Variants in FCHSD2 observed in about 807,000 individuals in gnomAD.
The protein encoded by FCHSD2 is F-BAR and double SH3 domains protein 2.
Under a neutral mutation model 108.1 loss-of-function variants are expected in FCHSD2, and 38 were observed. The observed-to-expected ratio is 0.35, with a 90% confidence interval of 0.27 to 0.46. The LOEUF is 0.46. FCHSD2 is among the 20% of genes least tolerant of loss of function. The pLI is 1.00. For synonymous variants in FCHSD2, 279 were observed against 314.7 expected (o/e 0.89, Z 1.20); for missense variants, 751 against 897.8 (o/e 0.84, Z 2.09).
chr11:72,860,718 G>A (rs576559024), intron 13 of FCHSD2, among the ~76,000 whole-genome samples: 1 of 152,080 alleles, frequency 6.6e-6, no homozygotes, highest in Admixed American at 6.6e-5. Flanking sequence ...GGTGGTGCTG[G>A]GAGGCTGAGG....
intron 8 of FCHSD2, among the ~76,000 whole-genome samples, chr11:72,955,592 C>T (rs959065269): frequency 5.9e-5 from 9 of 152,134 alleles, no homozygotes; most frequent in Non-Finnish European, 1.2e-4. Flanking sequence ...CAACCAGCCC[C>T]CATCCTGACG....
chr11:73,004,825 A>G (rs779551422), intron 4 of FCHSD2, among the ~76,000 whole-genome samples: 85 of 152,128 alleles, frequency 5.6e-4, no homozygotes, highest in Non-Finnish European at 1.0e-3. Context: ...TCCTTAATCC[A>G]TTCTTCACCC....
intron 2 of FCHSD2, among the ~76,000 whole-genome samples, chr11:73,132,177 G>T (rs565427402): frequency 2.0e-5 from 3 of 152,304 alleles, no homozygotes; most frequent in Admixed American, 1.3e-4. Context: ...AGAAATGTAA[G>T]AATGTAAAAC....
intron 5 of FCHSD2, among the ~76,000 whole-genome samples, chr11:72,991,971 GT>G (rs1187163651): frequency 6.6e-6 from 1 of 152,154 alleles, no homozygotes; most frequent in African/African-American, 2.4e-5. Context: ...AAGTCAAATT[GT>G]CCCTGTTTGT....
chr11:73,118,515 A>T (rs962970907), intron 2 of FCHSD2, among the ~76,000 whole-genome samples: 1 of 152,186 alleles, frequency 6.6e-6, no homozygotes, highest in Non-Finnish European at 1.5e-5. Context: ...TACAGTATAT[A>T]TTCTTGTATC....
At chr11:73,007,861 T>C (rs556070649) in intron 4 of FCHSD2, among the ~76,000 whole-genome samples, 3 of 152,350 alleles carry the variant, frequency 2.0e-5, no homozygotes, top group Non-Finnish European at 2.9e-5. Flanking sequence ...TTATGCAAGA[T>C]ATTACCACTG....
At position 72,949,478 on chromosome 11, in the gene FCHSD2, G is replaced by A. The variant is rs913289876; in HGVS notation, c.706-27528C>T. Among the ~76,000 whole-genome samples the A allele has an allele frequency of 9.3e-5, 14 of 151,152 alleles. No individual in the cohort carries two copies. The East Asian group carries it at 9.7e-4, about 10-fold the overall frequency. ...AAGAAAGAAAGAAAAGAAAAGAAAG[G>A]AAAGAAAAAGAAAAGAAAAGAAAAG... On this transcript the variant is annotated intron_variant, in intron 8 of 19. Transcript: ENST00000409418.
At chr11:72,866,690 A>G (rs573793051) in intron 13 of FCHSD2, among the ~76,000 whole-genome samples, 3 of 152,222 alleles carry the variant, frequency 2.0e-5, no homozygotes, top group Non-Finnish European at 4.4e-5. Flanking sequence ...TAAAGCTTCA[A>G]TAGATTGTTT....
chr11:72,867,245 G>A (rs751659741), intron 13 of FCHSD2, among the ~76,000 whole-genome samples: 39 of 152,116 alleles, frequency 2.6e-4, no homozygotes, highest in African/African-American at 8.2e-4. Flanking sequence ...CAAATCAACC[G>A]AATTTTTCTG....
intron 13 of FCHSD2, among the ~76,000 whole-genome samples, chr11:72,853,979 CACTAAT>C (rs1281436046): frequency 6.6e-5 from 10 of 152,224 alleles, no homozygotes; most frequent in Admixed American, 5.9e-4. Flanking sequence ...TGCTCAACAT[CACTAAT>C]GATTAGGGAA....
intron 3 of FCHSD2, among the ~76,000 whole-genome samples, 193 bp downstream of exon 3, chr11:73,083,502 T>C (rs890352310): frequency 1.3e-5 from 2 of 151,342 alleles, no homozygotes; most frequent in African/African-American, 4.9e-5. Flanking sequence ...TGAGCCAAGA[T>C]TGCGCCACTG....
chr11:72,872,210 C>CT (rs752685861), intron 12 of FCHSD2, among the ~76,000 whole-genome samples: 1 of 150,642 alleles, frequency 6.6e-6, no homozygotes, highest in East Asian at 1.9e-4. Flanking sequence ...TTCATAATTT[C>CT]TTTTTTTGGT....
intron 2 of FCHSD2, among the ~76,000 whole-genome samples, chr11:73,117,079 C>T (rs974538766): frequency 6.6e-6 from 1 of 152,082 alleles, no homozygotes; most frequent in African/African-American, 2.4e-5. Context: ...ATTGATTATA[C>T]GTATTTTTGT....
intron 9 of FCHSD2, among the ~76,000 whole-genome samples, chr11:72,916,285 C>T (rs1855872131): frequency 6.7e-6 from 1 of 150,114 alleles, no homozygotes; most frequent in Non-Finnish European, 1.5e-5. Flanking sequence ...ATTTCATTGA[C>T]CTTTTGGTAC....
chr11:72,904,713 T>A (rs1456201497), intron 9 of FCHSD2, among the ~76,000 whole-genome samples: 1 of 152,226 alleles, frequency 6.6e-6, no homozygotes, highest in Non-Finnish European at 1.5e-5. Context: ...AAAAAGTTTT[T>A]CAAATCAGGA....
chr11:73,127,775 G>A (rs991515346), intron 2 of FCHSD2, among the ~76,000 whole-genome samples: 1 of 151,516 alleles, frequency 6.6e-6, no homozygotes, highest in Non-Finnish European at 1.5e-5. Context: ...CTTCACTAAT[G>A]CCTTCACCTG....
chr11:73,027,379 T>C (rs755794889), intron 3 of FCHSD2, among the ~76,000 whole-genome samples: 1 of 152,064 alleles, frequency 6.6e-6, no homozygotes, highest in Non-Finnish European at 1.5e-5. Flanking sequence ...ACTTTGAACT[T>C]GAGAGAGATG....
rs1316065556 is a variant in FCHSD2, at chr11:72,845,999, T to C, written c.1444-2467A>G. ...GCTCAAGCACTATTTGTTGAATGAA[T>C]GGGGTGTTTGATAATATCTTCCTCA... is the stretch of plus-strand genomic sequence containing the variant. On this transcript the variant is annotated intron_variant, in intron 14 of 19. Transcript: ENST00000409418. Among the ~76,000 whole-genome samples, 4 of 152,072 alleles carry C rather than the reference T, an allele frequency of 2.6e-5. No homozygotes were observed. The East Asian group carries it at 7.7e-4, about 29-fold the overall frequency.
At chr11:73,083,034 C>T (rs1859732889) in intron 3 of FCHSD2, among the ~76,000 whole-genome samples, 1 of 152,162 alleles carries the variant, frequency 6.6e-6, no homozygotes, top group Admixed American at 6.5e-5. Context: ...TCTTTATCAA[C>T]ACAGTCATAA....
Sources: allele counts gnomAD v4.1 joint callset (sites outside exome capture counted in the v4.1 genomes callset), GRCh38; gene constraint gnomAD v4.1.1; transcripts MANE v1.5; gene names NCBI Gene and HGNC (gene_info 2026-07-23, HGNC 2026-07-21).